The following ITGA4 variants were observed in gnomAD, a reference collection of about 807,000 sequenced individuals.
ITGA4 encodes integrin alpha-4.
Under a neutral mutation model 133.6 loss-of-function variants are expected in ITGA4, and 63 were observed. The observed-to-expected ratio is 0.47, with a 90% CI of 0.38 to 0.58. ITGA4 has a LOEUF of 0.58. ITGA4 is among the 20% of genes least tolerant of loss of function. ITGA4 has a pLI of 0.00. For missense variants in ITGA4, 1,076 were observed against 1,252.7 expected (o/e 0.86, Z 2.13); for synonymous variants, 483 against 438.0 (o/e 1.10, Z -1.28).
At chr2:181,530,988 G>A (rs1686933253) in intron 24 of ITGA4, among the ~76,000 whole-genome samples, 1 of 152,040 alleles carries the variant, frequency 6.6e-6, no homozygotes, top group Non-Finnish European at 1.5e-5. Context: ...TTAGACAGGT[G>A]CCTGTAATCC....
chr2:181,498,483 G>T (rs1335511314), intron 14 of ITGA4, 140 bp from the exon 15 acceptor site: 2 of 446,932 alleles, frequency 4.5e-6, no homozygotes, highest in Non-Finnish European at 7.8e-6. Flanking sequence ...TTTCAGGTTA[G>T]TCTTTAAAAA....
chr2:181,517,184 CTT>C (rs1002099606), intron 17 of ITGA4, among the ~76,000 whole-genome samples: 66 of 152,122 alleles, frequency 4.3e-4, no homozygotes, highest in African/African-American at 1.5e-3. Flanking sequence ...GCAGGTTACT[CTT>C]TTGTCAAATA....
chr2:181,518,761 C>T (rs931721424), intron 17 of ITGA4, among the ~76,000 whole-genome samples: 2 of 151,920 alleles, frequency 1.3e-5, no homozygotes, highest in South Asian at 4.1e-4. Flanking sequence ...GTTTACAGAC[C>T]TCTACTCTAT....
Position 181,538,786 on chromosome 2 carries a change from A to AT in ITGA4, c.*3264dup, listed in dbSNP as rs904365633. The stretch of plus-strand genomic sequence containing the variant: ...ACTAAAAGATTTAAGATCTTGATCC[A>AT]TTTTTAAAAATCCAAAATGGAAGTT... On this transcript the variant is annotated 3_prime_UTR_variant, in exon 28 of 28. Transcript: ENST00000397033. Among the ~76,000 whole-genome samples, 8 of 152,192 alleles carry AT rather than the reference A, an allele frequency of 5.3e-5. No homozygotes were observed. The highest frequency in any genetic ancestry group is 4.6e-4 in the Admixed American group (7 of 15,266).
chr2:181,518,085 C>G (rs190963702), intron 17 of ITGA4, among the ~76,000 whole-genome samples: 4 of 152,030 alleles, frequency 2.6e-5, no homozygotes, highest in African/African-American at 7.2e-5. Flanking sequence ...CAGCCATGTT[C>G]CCACACACTT....
chr2:181,497,832 G>A (rs1281041636), intron 14 of ITGA4, among the ~76,000 whole-genome samples: 1 of 151,260 alleles, frequency 6.6e-6, no homozygotes, highest in Non-Finnish European at 1.5e-5. Flanking sequence ...TCACTTTCTT[G>A]GTAAGATCTG....
rs1045878449 is a variant in ITGA4 at position 181,523,275 on chromosome 2, T to G, written c.2074-162T>G. The G allele has an allele frequency of 2.9e-5, 16 of 546,500 alleles. No individual in the cohort carries two copies. The highest frequency in any genetic ancestry group is 2.1e-4 in the Admixed American group (7 of 32,766). 33.9% of individuals were successfully genotyped at this position (546,500 alleles called of 1,614,324 possible). On this transcript the variant is annotated intron_variant, in intron 18 of 27. Coordinates refer to ENST00000397033, the MANE Select transcript of ITGA4 (RefSeq NM_000885.6). This position sits in a 1 kb window ranked among gnomAD's most constrained non-coding sequence, Gnocchi z 4.2. The stretch of plus-strand genomic sequence containing the variant: ...ATATACACACATGCACACATATTTA[T>G]ATCATATGTCTATTTATCTCAAACA...
intron 10 of ITGA4, among the ~76,000 whole-genome samples, chr2:181,490,154 C>T (rs185381823): frequency 2.0e-5 from 3 of 152,140 alleles, no homozygotes; most frequent in African/African-American, 4.8e-5. Context: ...CCAATTAGGT[C>T]GGGGTCGATC....
intron 22 of ITGA4, 158 bp downstream of exon 22, chr2:181,527,545 C>T (rs918245210): frequency 3.6e-6 from 2 of 552,844 alleles, no homozygotes; most frequent in South Asian, 2.1e-5. Flanking sequence ...GCCTCTCAGA[C>T]CCCTGCTGCT....
chr2:181,468,455 C>G (rs999027566), intron 2 of ITGA4, among the ~76,000 whole-genome samples: 2 of 152,108 alleles, frequency 1.3e-5, no homozygotes, highest in Non-Finnish European at 2.9e-5. Flanking sequence ...TGAGTTCCTG[C>G]CTACTGCATG....
chr2:181,481,479 T>G (rs986654999), intron 6 of ITGA4, 119 bp from the exon 7 acceptor site: 12 of 403,476 alleles, frequency 3.0e-5, no homozygotes, highest in Non-Finnish European at 5.5e-5. Context: ...TAAATATTCT[T>G]AACTGCTTAA....
At chr2:181,535,058 C>A (rs1687031253) in intron 27 of ITGA4, 123 bp downstream of exon 27, 2 of 1,008,498 alleles carry the variant, frequency 2.0e-6, no homozygotes, top group East Asian at 2.9e-5. Flanking sequence ...TTATGTTGCT[C>A]AGTACTGATC....
Position 181,531,739 on chromosome 2 carries a change from A to T in ITGA4, c.2747A>T (p.His916Leu). The T allele has an allele frequency of 6.2e-7, 1 of 1,604,136 alleles. No individual in the cohort carries two copies. The change falls in exon 25 of 28, where the codon CAT (histidine) becomes CTT (leucine). Residue 916 changes from histidine to leucine, a missense_variant. Transcript: ENST00000397033. ...GAAAGTGGAAAAGAAGCCAGTGTTCATATCCAACTGGAAGGCCGGCCATCC... is the reference window on the plus strand; with the variant it reads ...GAAAGTGGAAAAGAAGCCAGTGTTCTTATCCAACTGGAAGGCCGGCCATCC... ...KMESGKEASV[H>L]IQLEGRPSIL...
intron 15 of ITGA4, among the ~76,000 whole-genome samples, chr2:181,504,449 G>A (rs1551033): frequency 0.73 from 110,874 of 151,828 alleles, 40,831 homozygotes; most frequent in South Asian, 0.9. Context: ...TGCTTATATT[G>A]TTGAGCAATA....
intron 15 of ITGA4, among the ~76,000 whole-genome samples, chr2:181,500,567 A>G (rs1161083124): frequency 1.3e-5 from 2 of 152,186 alleles, no homozygotes; most frequent in Non-Finnish European, 1.5e-5. Context: ...ATCTGGTACC[A>G]TGGTACCAGG....
chr2:181,466,506 G>C (rs1160498201), intron 2 of ITGA4, among the ~76,000 whole-genome samples: 1 of 152,002 alleles, frequency 6.6e-6, no homozygotes, highest in African/African-American at 2.4e-5. Flanking sequence ...TTCTCCACTA[G>C]ACTAGCTGGA....
intron 2 of ITGA4, among the ~76,000 whole-genome samples, chr2:181,460,122 G>A (rs534603401): frequency 1.0e-3 from 156 of 152,290 alleles, no homozygotes; most frequent in African/African-American, 3.5e-3. Context: ...CCTGACTGAT[G>A]AGTAAGATAA....
intron 17 of ITGA4, among the ~76,000 whole-genome samples, chr2:181,521,423 C>T (rs750392634): frequency 2.0e-5 from 3 of 152,170 alleles, no homozygotes; most frequent in Middle Eastern, 3.4e-3. Flanking sequence ...GTATACATAA[C>T]CCAGATCTTC....
In ITGA4 at chr2:181,537,603, ATAGGAAAT is replaced by A; in HGVS notation, c.*2078_*2085del. The A allele has an allele frequency of 2.3e-6, 1 of 430,636 alleles. No individual in the cohort carries two copies. Among genetic ancestry groups the A allele is most frequent in the South Asian group, 1.7e-5 (1 of 59,142 alleles). 26.7% of individuals were successfully genotyped at this position (430,636 alleles called of 1,614,324 possible). On this transcript the variant is annotated 3_prime_UTR_variant, in exon 28 of 28. Transcript: ENST00000397033. The stretch of plus-strand genomic sequence containing the variant: ...ATCTGTATTATATTTGTAACAGAAT[ATAGGAAAT>A]TTAACATAATTGATGAGCTCAAATC...
Sources: gnomAD v4.1 joint callset for allele counts (sites outside exome capture counted in the v4.1 genomes callset) on GRCh38, gnomAD v4.1.1 for gene constraint, Gnocchi (gnomAD v3.1) non-coding constraint, MANE v1.5 for transcripts, NCBI Gene and HGNC (gene_info 2026-07-23, HGNC 2026-07-21) for gene names.